The following PKHD1 variants were observed in gnomAD, a reference collection of about 807,000 sequenced individuals.
PKHD1 encodes PKHD1 ciliary IPT domain containing fibrocystin/polyductin, also known as fibrocystin.
In PKHD1, 291 loss-of-function variants were observed where a neutral mutation model predicts 412.0. That is an observed-to-expected ratio of 0.71 (90% CI 0.64 to 0.78). The LOEUF (loss-of-function observed/expected upper bound fraction) is 0.78, where lower values mean the gene tolerates loss of function less well. PKHD1 is among the 30% of genes least tolerant of loss of function. The probability of loss-of-function intolerance (pLI) is 0.00; values close to 1 mark genes in which losing one functional copy is unlikely to be tolerated. For missense variants in PKHD1, 4,825 were observed against 4,950.7 expected, an observed-to-expected ratio of 0.97 and a Z score of 0.76; for synonymous variants, 1,777 against 1,821.5, an observed-to-expected ratio of 0.98 and a Z score of 0.62.
chr6:51,625,148 T>C (rs1767076243), intron 66 of PKHD1, among the ~76,000 whole-genome samples: 1 of 152,186 alleles, frequency 6.6e-6, no homozygotes, highest in Non-Finnish European at 1.5e-5. Context: ...AATCTGAATC[T>C]AGTAGTCATG....
chr6:52,051,137 C>T (rs1181232978), intron 21 of PKHD1, among the ~76,000 whole-genome samples: 1 of 152,118 alleles, frequency 6.6e-6, no homozygotes, highest in Non-Finnish European at 1.5e-5. Flanking sequence ...TAGATCAGTT[C>T]GAGGGTCAGT....
intron 27 of PKHD1, among the ~76,000 whole-genome samples, chr6:52,039,548 T>G (rs943124058): frequency 1.3e-5 from 2 of 152,220 alleles, no homozygotes; most frequent in African/African-American, 4.8e-5. Context: ...TGCTGAACTG[T>G]GAGTCAATTA....
At chr6:51,692,711 T>A (rs1778322391) in intron 60 of PKHD1, among the ~76,000 whole-genome samples, 5 of 152,168 alleles carry the variant, frequency 3.3e-5, no homozygotes, top group Non-Finnish European at 5.9e-5. Flanking sequence ...CACCTATCTT[T>A]TTTTTCCACT....
intron 54 of PKHD1, among the ~76,000 whole-genome samples, chr6:51,775,193 G>T (rs576774059): frequency 2.9e-3 from 447 of 151,754 alleles, no homozygotes; most frequent in Non-Finnish European, 4.7e-3. Context: ...CATTCTTGAA[G>T]AAAATTGCTT....
chr6:51,973,460 T>C (rs1220928264), intron 35 of PKHD1, among the ~76,000 whole-genome samples: 1 of 152,196 alleles, frequency 6.6e-6, no homozygotes, highest in African/African-American at 2.4e-5. Context: ...TTTTTACGTG[T>C]CCTCAAAGGC....
intron 52 of PKHD1, among the ~76,000 whole-genome samples, chr6:51,828,640 T>C (rs914252588): frequency 6.6e-6 from 1 of 152,138 alleles, no homozygotes; most frequent in Non-Finnish European, 1.5e-5. Flanking sequence ...TTCATCCAAA[T>C]GATGCTTACT....
At position 51,912,463 on chromosome 6, in the gene PKHD1, T is replaced by C. The variant is rs774486000; in HGVS notation, c.6235A>G (p.Ile2079Val). Residue 2079 changes from isoleucine to valine, a missense_variant, in exon 38 of 67, where the codon ATC (isoleucine) becomes GTC (valine). By Grantham distance (29) the Ile-to-Val change is conservative (BLOSUM62 3). Coordinates refer to ENST00000371117, the MANE Select transcript of PKHD1 (RefSeq NM_138694.4). ...GCACCTTTAACACCTGTTCCACTGA[T>C]GATGACAACTTCATCCCCAGGGTTC... is the stretch of plus-strand genomic sequence containing the variant. ...DWNPGDEVVI[I>V]SGTGVKGAKP... 6 of 1,612,762 alleles carry C rather than the reference T, an allele frequency of 3.7e-6. No individual in the cohort carries two copies. Among genetic ancestry groups the C allele is most frequent in the Non-Finnish European group, 5.1e-6 (6 of 1,178,966 alleles).
chr6:51,743,367 T>A (rs546035998), intron 60 of PKHD1, among the ~76,000 whole-genome samples: 13 of 152,232 alleles, frequency 8.5e-5, no homozygotes, highest in African/African-American at 2.6e-4. Flanking sequence ...AATAGCCTAA[T>A]GAATGGTGGC....
At position 51,939,331 on chromosome 6, in the gene PKHD1, G is replaced by A. The variant is rs1323027800; in HGVS notation, c.5909-5009C>T. 2.0e-5 allele frequency among the ~76,000 whole-genome samples: 3 copies of A among 151,096 alleles called. 1 individual carries two copies. The highest frequency in any genetic ancestry group is 4.4e-5 in the Non-Finnish European group (3 of 67,564). On this transcript the variant is annotated intron_variant, in intron 36 of 66. Coordinates refer to ENST00000371117, the MANE Select transcript of PKHD1 (RefSeq NM_138694.4). The stretch of plus-strand genomic sequence containing the variant: ...TCTACCCCTTCTCCGCTTTTCTAGG[G>A]GGCAAGAACCCGCTGACCCCTTCTC...
chr6:51,676,252 GA>G (rs58319131), intron 60 of PKHD1, among the ~76,000 whole-genome samples: 2 of 142,088 alleles, frequency 1.4e-5, no homozygotes, highest in African/African-American at 5.2e-5. Context: ...TAAAAGAAAA[GA>G]AAAAAAAAAA....
intron 65 of PKHD1, among the ~76,000 whole-genome samples, chr6:51,628,200 G>A (rs1017929113): frequency 2.6e-5 from 4 of 152,022 alleles, no homozygotes; most frequent in Non-Finnish European, 4.4e-5. Context: ...GTACCAAATA[G>A]GCAGTTTTTC....
chr6:51,835,058 G>A (rs1426765810), intron 51 of PKHD1, among the ~76,000 whole-genome samples: 1 of 152,186 alleles, frequency 6.6e-6, no homozygotes, highest in East Asian at 1.9e-4. Context: ...ACAACTCTAT[G>A]AAGTATGGGC....
intron 42 of PKHD1, 129 bp downstream of exon 42, chr6:51,903,857 A>ATATATATATATATATT (rs1781669480): frequency 2.4e-6 from 1 of 418,024 alleles, no homozygotes; most frequent in African/African-American, 2.3e-5. Context: ...ATATATATAT[A>ATATATATATATATATT]TATTTAGAAA....
At chr6:52,048,452 A>C in intron 23 of PKHD1, 40 bp downstream of exon 23, 1 of 1,602,280 alleles carries the variant, frequency 6.2e-7, no homozygotes, top group Non-Finnish European at 8.6e-7. Context: ...GAGTGAGAAT[A>C]TGTGAGTGAG....
intron 59 of PKHD1, among the ~76,000 whole-genome samples, chr6:51,745,814 G>A (rs545327996): frequency 3.9e-5 from 6 of 152,182 alleles, no homozygotes; most frequent in Admixed American, 2.0e-4. Flanking sequence ...ATATCAGCCC[G>A]GGATAAGACA....
chr6:51,925,402 G>A (rs1785368878), intron 37 of PKHD1, among the ~76,000 whole-genome samples: 1 of 151,770 alleles, frequency 6.6e-6, no homozygotes, highest in Admixed American at 6.6e-5. Context: ...TGGGCTATGG[G>A]GTACCCACAA....
chr6:51,873,300 C>T (rs977776725), intron 46 of PKHD1, among the ~76,000 whole-genome samples: 1 of 151,998 alleles, frequency 6.6e-6, no homozygotes, highest in Non-Finnish European at 1.5e-5. Context: ...CCATTTAGAC[C>T]AACTTAAAAA....
At chr6:52,030,133 C>T (rs62406027) in intron 29 of PKHD1, among the ~76,000 whole-genome samples, 7,953 of 152,132 alleles carry the variant, frequency 0.052, 283 homozygotes, top group East Asian at 0.11. Context: ...CTATGGGATG[C>T]CACGGCCAAT....
At chr6:51,643,398 A>T (rs1769636225) in intron 63 of PKHD1, among the ~76,000 whole-genome samples, 1 of 152,156 alleles carries the variant, frequency 6.6e-6, no homozygotes. Context: ...AAAAAATAAA[A>T]AAAAAAATGA....
Sources: gnomAD v4.1 joint callset for allele counts (sites outside exome capture counted in the v4.1 genomes callset) on GRCh38, gnomAD v4.1.1 for gene constraint, MANE v1.5 for transcripts, NCBI Gene and HGNC (gene_info 2026-07-23, HGNC 2026-07-21) for gene names.